Variants in ACSF3 observed in about 807,000 individuals in gnomAD.
ACSF3 encodes the protein acyl-CoA synthetase family member 3, also known as malonate--CoA ligase ACSF3, mitochondrial.
In ACSF3, 78 loss-of-function variants were observed where a neutral mutation model predicts 53.2. That is an observed-to-expected ratio of 1.47 (90% confidence interval 1.22 to 1.77). The LOEUF (loss-of-function observed/expected upper bound fraction) is 1.77, where lower values mean the gene tolerates loss of function less well. ACSF3 is among the 40% of genes most tolerant of loss of function. The probability of loss-of-function intolerance (pLI) is 0.00; values close to 1 mark genes in which losing one functional copy is unlikely to be tolerated. For missense variants in ACSF3, 937 were observed against 771.1 expected, an observed-to-expected ratio of 1.22 and a Z score of -2.55; for synonymous variants, 414 against 333.1, an observed-to-expected ratio of 1.24 and a Z score of -2.65.
At chr16:89,129,094 C>T (rs773838782) in intron 7 of ACSF3, among the ~76,000 whole-genome samples, 12 of 152,130 alleles carry the variant, frequency 7.9e-5, no homozygotes, top group African/African-American at 2.4e-4. Flanking sequence ...ATGATGCCAC[C>T]GCACTCCAGC....
chr16:89,102,799 A>ACT, intron 4 of ACSF3, 40 bp downstream of exon 4: 1 of 1,536,682 alleles, frequency 6.5e-7, no homozygotes, highest in Non-Finnish European at 8.8e-7. Context: ...CCCTCAGACT[A>ACT]GGCGCCTTTC....
intron 4 of ACSF3, among the ~76,000 whole-genome samples, chr16:89,104,973 T>A (rs1314591439): frequency 6.6e-6 from 1 of 152,030 alleles, no homozygotes; most frequent in Non-Finnish European, 1.5e-5. Flanking sequence ...CCAGCACACT[T>A]GCGTGATTAG....
intron 7 of ACSF3, among the ~76,000 whole-genome samples, chr16:89,132,473 G>A (rs1327694008): frequency 3.3e-5 from 5 of 152,154 alleles, no homozygotes; most frequent in Non-Finnish European, 7.4e-5. Context: ...ATATAACCCA[G>A]CCTCCCTCCC....
At chr16:89,107,777 G>T (rs1976186732) in intron 4 of ACSF3, among the ~76,000 whole-genome samples, 1 of 152,160 alleles carries the variant, frequency 6.6e-6, no homozygotes. Flanking sequence ...AGTGGAAACT[G>T]CGGAAGAGTT....
In ACSF3 at chr16:89,125,845, G is replaced by T. The variant is rs991782861; in HGVS notation, c.1239+4932G>T. On this transcript the variant is annotated intron_variant, in intron 7 of 10. Transcript: ENST00000614302. ...CCATTTACTTAGATCCGTGAACACG[G>T]TGTGTCTCTCCGTTTACTTAGATCC... is the stretch of plus-strand genomic sequence containing the variant. 1.3e-4 allele frequency among the ~76,000 whole-genome samples: 20 copies of T among 152,208 alleles called. 1 individual carries two copies. The highest frequency in any genetic ancestry group is 2.9e-5 in the Non-Finnish European group (2 of 68,044).
chr16:89,136,267 G>A (rs1025555996), intron 8 of ACSF3, among the ~76,000 whole-genome samples: 9 of 152,186 alleles, frequency 5.9e-5, no homozygotes, highest in Admixed American at 2.0e-4. Context: ...CAGCCGGGGC[G>A]GAATCACATG....
intron 7 of ACSF3, among the ~76,000 whole-genome samples, chr16:89,121,855 G>A (rs1227197488): frequency 6.6e-6 from 1 of 152,222 alleles, no homozygotes; most frequent in Non-Finnish European, 1.5e-5. Flanking sequence ...TGGAGCGATG[G>A]TCGTGGTTGG....
chr16:89,102,162 G>A (rs941844433), intron 3 of ACSF3, among the ~76,000 whole-genome samples: 2 of 152,224 alleles, frequency 1.3e-5, no homozygotes, highest in Non-Finnish European at 2.9e-5. Context: ...CCTGGGTTCT[G>A]TCCCGGCTGA....
chr16:89,116,198 CT>C (rs1905086834), intron 6 of ACSF3, among the ~76,000 whole-genome samples: 1 of 152,220 alleles, frequency 6.6e-6, no homozygotes, highest in Admixed American at 6.5e-5. Flanking sequence ...GTTGAAAAGA[CT>C]CCCTTCTCCA....
chr16:89,112,495 G>C (rs1404510394), intron 5 of ACSF3, among the ~76,000 whole-genome samples: 1 of 151,792 alleles, frequency 6.6e-6, no homozygotes, highest in African/African-American at 2.4e-5. Flanking sequence ...CGCTCTCTCT[G>C]TCACACTCTG....
intron 6 of ACSF3, among the ~76,000 whole-genome samples, chr16:89,115,810 A>G (rs4782328): frequency 0.75 from 114,144 of 152,076 alleles, 43,344 homozygotes; most frequent in Non-Finnish European, 0.8. Context: ...GGCGTTGAGC[A>G]CCTCTTCCTG....
chr16:89,138,724 C>G (rs1249998340), intron 8 of ACSF3, among the ~76,000 whole-genome samples: 1 of 152,226 alleles, frequency 6.6e-6, no homozygotes, highest in African/African-American at 2.4e-5. Context: ...AGGAGGGTGC[C>G]CCAGCCCTCC....
At position 89,112,197 on chromosome 16, in the gene ACSF3, C is replaced by A. The variant is rs1397919778; in HGVS notation, c.928C>A (p.Gln310Lys). The A allele has an allele frequency of 6.2e-7, 1 of 1,614,088 alleles. No homozygotes were observed. The highest frequency in any genetic ancestry group is 8.5e-7 in the Non-Finnish European group (1 of 1,180,042). Residue 310 changes from glutamine to lysine, a missense_variant, in exon 5 of 11, where the codon CAG becomes AAG. Physicochemically the swap from Gln to Lys is moderately conservative, Grantham distance 53 (BLOSUM62 1). Transcript: ENST00000614302. ...LMEYYDRHFT[Q>K]PHAQDFLRAV... is the part of the protein sequence containing the mutation. ...GGAGTACTACGACAGGCATTTTACCCAGCCGCACGCCCAGGATTTCTTGCG... is the reference window on the plus strand; with the variant it reads ...GGAGTACTACGACAGGCATTTTACCAAGCCGCACGCCCAGGATTTCTTGCG...
In ACSF3 at chr16:89,155,492, T is replaced by C; in HGVS notation, c.*1285T>C. 2.2e-6 allele frequency: 1 copy of C among 454,110 alleles called. No individual in the cohort carries two copies. The highest frequency in any genetic ancestry group is 4.4e-6 in the Non-Finnish European group (1 of 226,786). The allele number at this position is 454,110 out of a possible 1,614,324, so 28.1% of individuals were successfully genotyped here. On this transcript the variant is annotated 3_prime_UTR_variant, in exon 11 of 11. Transcript: ENST00000614302. The stretch of plus-strand genomic sequence containing the variant: ...GCCACAGAGCAGCGTCCCAGCCCTG[T>C]TTTCCAGGACTGGTGGGTGCCCCAG...
chr16:89,110,500 G>T (rs1356297103), intron 4 of ACSF3, among the ~76,000 whole-genome samples: 2 of 152,182 alleles, frequency 1.3e-5, no homozygotes, highest in Non-Finnish European at 2.9e-5. Context: ...ACTCTCCATT[G>T]TGTTTTGTGG....
At chr16:89,102,828 T>A in intron 4 of ACSF3, 69 bp downstream of exon 4, 2 of 1,584,932 alleles carry the variant, frequency 1.3e-6, no homozygotes, top group South Asian at 1.1e-5. Flanking sequence ...GGGCCAGGGC[T>A]CTCAGCCGCG....
intron 10 of ACSF3, chr16:89,150,668 G>A (rs1025215756): frequency 1.2e-4 from 32 of 269,488 alleles, no homozygotes; most frequent in Admixed American, 8.4e-4. Flanking sequence ...AGGAGAAGCC[G>A]CCTGTGAGGG....
At chr16:89,135,292 G>A (rs937896911) in intron 8 of ACSF3, among the ~76,000 whole-genome samples, 10 of 152,262 alleles carry the variant, frequency 6.6e-5, no homozygotes, top group Admixed American at 5.2e-4. Flanking sequence ...GATGCTGGAA[G>A]GGGCAATGTT....
intron 4 of ACSF3, among the ~76,000 whole-genome samples, chr16:89,105,704 AC>A (rs1975892886): frequency 6.6e-6 from 1 of 152,178 alleles, no homozygotes; most frequent in Admixed American, 6.5e-5. Flanking sequence ...TGGCTGGTCT[AC>A]CATGGTCACT....
Sources: gnomAD v4.1 joint callset for allele counts (sites outside exome capture counted in the v4.1 genomes callset) on GRCh38, gnomAD v4.1.1 for gene constraint, MANE v1.5 for transcripts, NCBI Gene and HGNC (gene_info 2026-07-23, HGNC 2026-07-21) for gene names.